The following CLCN7 variants were observed in gnomAD, a reference collection of about 807,000 sequenced individuals.
CLCN7 encodes the protein H(+)/Cl(-) exchange transporter 7.
A neutral mutation model predicts 102.1 loss-of-function variants in CLCN7; 60 were observed. The ratio of observed to expected loss-of-function variants is 0.59; its 90% CI spans 0.48 to 0.73. CLCN7 has a LOEUF of 0.73. Ranked by LOEUF, CLCN7 falls within the 30% of genes least tolerant of loss-of-function variation. The probability of loss-of-function intolerance (pLI) is 0.00; values close to 1 mark genes in which losing one functional copy is unlikely to be tolerated. For synonymous variants in CLCN7, 560 were observed against 490.5 expected (o/e 1.14, Z -1.87); for missense variants, 962 against 1,125.7 (o/e 0.85, Z 2.08).
At chr16:1,447,178 G>A in intron 23 of CLCN7, 92 bp from the exon 24 acceptor site, 2 of 1,319,316 alleles carry the variant, frequency 1.5e-6, no homozygotes, top group South Asian at 1.3e-5. Context: ...CCCCACCACG[G>A]CGTCCAGGCA....
chr16:1,461,662 G>A lies in CLCN7; in HGVS notation c.226C>T (p.Pro76Ser). The change falls in exon 3 of 25, where the codon CCA (proline) becomes TCA (serine). Residue 76 changes from proline to serine, a missense_variant. Physicochemically the swap from Pro to Ser is moderately conservative, Grantham distance 74. Transcript: ENST00000382745. ...GGGATCTCCTTGGGGAAGGGATGTG[G>A]AGGGTCCATATCCTGTGGCAGAAAA... ...DELLDPDMDP[P>S]HPFPKEIPHN... is the part of the protein sequence containing the mutation. The A allele has an allele frequency of 6.2e-7, 1 of 1,614,096 alleles. No individual in the cohort carries two copies. The highest frequency in any genetic ancestry group is 8.5e-7 in the Non-Finnish European group (1 of 1,180,006).
chr16:1,455,044 T>A, intron 12 of CLCN7, 90 bp downstream of exon 12: 1 of 842,568 alleles, frequency 1.2e-6, no homozygotes, highest in Non-Finnish European at 2.1e-6. Flanking sequence ...CAGAGTTTTC[T>A]AAAGGACCAA....
At chr16:1,447,263 T>A in intron 23 of CLCN7, 129 bp downstream of exon 23, 1 of 1,207,366 alleles carries the variant, frequency 8.3e-7, no homozygotes. Context: ...GCCAGGCCCT[T>A]CACAGGAGAC....
chr16:1,453,660 C>T (rs2038788945), intron 14 of CLCN7, among the ~76,000 whole-genome samples, 174 bp downstream of exon 14: 1 of 152,250 alleles, frequency 6.6e-6, no homozygotes, highest in South Asian at 2.1e-4. Context: ...CCTCCAGGCC[C>T]CGGGACACAT....
At chr16:1,451,875 G>C in intron 15 of CLCN7, 159 bp from the exon 16 acceptor site, 1 of 653,990 alleles carries the variant, frequency 1.5e-6, no homozygotes, top group East Asian at 2.8e-5. Flanking sequence ...CACGGTCACA[G>C]AGGGCAAGGA....
intron 2 of CLCN7, among the ~76,000 whole-genome samples, chr16:1,464,414 A>G (rs2038976872): frequency 6.6e-6 from 1 of 152,238 alleles, no homozygotes; most frequent in South Asian, 2.1e-4. Flanking sequence ...GGCAGTGCCG[A>G]AGGCGCCCAC....
At chr16:1,447,858 C>A in intron 21 of CLCN7, 144 bp from the exon 22 acceptor site, 1 of 876,144 alleles carries the variant, frequency 1.1e-6, no homozygotes. Context: ...CCTGCTCACA[C>A]CAGCCTCGCC....
At chr16:1,470,276 C>T (rs1051009969) in intron 1 of CLCN7, among the ~76,000 whole-genome samples, 13 of 152,296 alleles carry the variant, frequency 8.5e-5, no homozygotes, top group Admixed American at 3.9e-4. Context: ...GTATGAGAGG[C>T]GTGCACCACC....
chr16:1,453,420 G>A (rs995131405), intron 14 of CLCN7, among the ~76,000 whole-genome samples: 6 of 152,166 alleles, frequency 3.9e-5, no homozygotes, highest in East Asian at 1.9e-4. Flanking sequence ...GGGAAGTGGC[G>A]CTACCCGTGC....
chr16:1,467,113 C>T (rs112145132), intron 1 of CLCN7, among the ~76,000 whole-genome samples: 1,749 of 152,190 alleles, frequency 0.011, 46 homozygotes, highest in African/African-American at 0.04. Context: ...TGGCCCTTGG[C>T]AGACACCAGT....
intron 2 of CLCN7, among the ~76,000 whole-genome samples, chr16:1,462,462 G>A (rs7199976): frequency 0.037 from 4,856 of 132,794 alleles, 293 homozygotes; most frequent in African/African-American, 0.13. Context: ...TGCAACCTCC[G>A]CCTTCCAGGT....
Position 1,452,549 on chromosome 16 carries a change from C to T in CLCN7, c.1353+206G>A, listed in dbSNP as rs559462441. 888 of 604,400 alleles carry T rather than the reference C, an allele frequency of 1.5e-3. 6 individuals carry two copies. The highest frequency in any genetic ancestry group is 1.3e-3 in the Non-Finnish European group (447 of 344,390). 37.4% of individuals were successfully genotyped at this position (604,400 alleles called of 1,614,324 possible). ...GGGGAGCCTCTGGCCCCCATACCAC[C>T]GCCCATTCCCCTGGCACCTCAGCAG... On this transcript the variant is annotated intron_variant, in intron 15 of 24. Transcript: ENST00000382745.
At chr16:1,460,756 G>C (rs979136648) in intron 5 of CLCN7, 60 bp downstream of exon 5, 1 of 1,611,844 alleles carries the variant, frequency 6.2e-7, no homozygotes, top group African/African-American at 1.3e-5. Context: ...ACTTCTGCCC[G>C]GGACTCGGCC....
At chr16:1,451,769 G>C in intron 15 of CLCN7, 53 bp from the exon 16 acceptor site, 1 of 1,476,570 alleles carries the variant, frequency 6.8e-7, no homozygotes, top group Non-Finnish European at 9.4e-7. Flanking sequence ...CTGGTGGGCT[G>C]CAGGCACAAA....
At position 1,461,651 on chromosome 16, in the gene CLCN7, G is replaced by C. The variant is rs763026064; in HGVS notation, c.237C>G (p.Phe79Leu). The C allele has an allele frequency of 3.1e-6, 5 of 1,614,138 alleles. No individual in the cohort carries two copies. The highest frequency in any genetic ancestry group is 3.3e-5 in the Admixed American group (2 of 60,020). ...LDPDMDPPHPFPKEIPHNEKL... is the reference protein window; with the variant it reads ...LDPDMDPPHPLPKEIPHNEKL... ...TCTCGTTGTGTGGGATCTCCTTGGG[G>C]AAGGGATGTGGAGGGTCCATATCCT... is the stretch of plus-strand genomic sequence containing the variant. The change falls in exon 3 of 25, where the codon TTC (phenylalanine) becomes TTG (leucine). Residue 79 changes from phenylalanine to leucine, a missense_variant. Around this residue, in one of 2 missense-constraint regions of CLCN7, gnomAD observed 163 missense variants for 137.7 expected, o/e 1.18. Transcript: ENST00000382745.
chr16:1,445,868 T>G lies in CLCN7; in HGVS notation c.*763A>C. On this transcript the variant is annotated 3_prime_UTR_variant, in exon 25 of 25. Transcript: ENST00000382745. ...GCTCAGGGACCAAGGCAGGGCTGGGTGTGGGGCCCAGACTCCAAGCTCTGG... is the reference window on the plus strand; with the variant it reads ...GCTCAGGGACCAAGGCAGGGCTGGGGGTGGGGCCCAGACTCCAAGCTCTGG... 5.4e-6 allele frequency: 1 copy of G among 184,162 alleles called. No individual in the cohort carries two copies. The highest frequency in any genetic ancestry group is 5.7e-5 in the Admixed American group (1 of 17,544). The allele number at this position is 184,162 out of a possible 1,614,324, so 11.4% of individuals were successfully genotyped here.
In CLCN7 at chr16:1,461,946, G is replaced by A. The variant is rs546771566; in HGVS notation, c.214-272C>T. Among the ~76,000 whole-genome samples, 20 of 152,048 alleles carry A rather than the reference G, an allele frequency of 1.3e-4. No homozygotes were observed. The South Asian group carries it at 4.0e-3, about 30-fold the overall frequency. On this transcript the variant is annotated intron_variant, in intron 2 of 24. Coordinates refer to ENST00000382745, the MANE Select transcript of CLCN7 (RefSeq NM_001287.6). ...CTAAAAATACAAAAATTAGCTGGGCGTGGTGGTGGGCGCCTGTAATCCCAG... is the reference window on the plus strand; with the variant it reads ...CTAAAAATACAAAAATTAGCTGGGCATGGTGGTGGGCGCCTGTAATCCCAG...
chr16:1,455,310 G>T, intron 11 of CLCN7, 60 bp from the exon 12 acceptor site: 1 of 1,025,330 alleles, frequency 9.8e-7, no homozygotes, highest in Non-Finnish European at 1.6e-6. Flanking sequence ...CAGGGCTCAC[G>T]GACCAGCAGG....
At chr16:1,474,413 G>C (rs959502004) in intron 1 of CLCN7, 6 of 337,864 alleles carry the variant, frequency 1.8e-5, no homozygotes, top group Admixed American at 4.2e-5. Flanking sequence ...ATCTCCCAGG[G>C]GGTCAAAAAC....
Sources: gnomAD v4.1 joint callset for allele counts (sites outside exome capture counted in the v4.1 genomes callset) on GRCh38, gnomAD v4.1.1 for gene constraint, gnomAD v4.1.1 regional missense constraint, MANE v1.5 for transcripts, NCBI Gene and HGNC (gene_info 2026-07-23, HGNC 2026-07-21) for gene names.